CSMD1: variants seen among roughly 807,000 people sequenced by gnomAD.
CSMD1 encodes the protein CUB and Sushi multiple domains 1.
Under a neutral mutation model 417.5 loss-of-function variants are expected in CSMD1, and 213 were observed. The ratio of observed to expected loss-of-function variants is 0.51; its 90% confidence interval spans 0.46 to 0.57. CSMD1 has a LOEUF of 0.57. Among genes scored for constraint, CSMD1 ranks in the 20% least tolerant of loss-of-function variants. CSMD1 has a pLI of 0.00. For synonymous variants in CSMD1, 2,862 were observed against 1,736.8 expected (o/e 1.65, Z -16.11); for missense variants, 6,923 against 4,529.7 (o/e 1.53, Z -15.17).
intron 49 of CSMD1, among the ~76,000 whole-genome samples, chr8:3,082,403 G>A (rs955598562): frequency 6.6e-6 from 1 of 152,102 alleles, no homozygotes; most frequent in African/African-American, 2.4e-5. Context: ...CCTCCACCAT[G>A]TCCCCTTCAC....
intron 1 of CSMD1, among the ~76,000 whole-genome samples, chr8:4,822,546 T>G (rs1799580085): frequency 6.6e-6 from 1 of 152,138 alleles, no homozygotes; most frequent in Non-Finnish European, 1.5e-5. Context: ...ACCTGTGACT[T>G]AAACTATGTG....
In CSMD1 at chr8:4,899,672, G is replaced by C. The variant is rs1035747324; in HGVS notation, c.85+94660C>G. ...CAAAAATATAAGATGACCATGTCTT[G>C]AACAACTCTCATTAAAATGTGTATA... is the stretch of plus-strand genomic sequence containing the variant. On this transcript the variant is annotated intron_variant, in intron 1 of 69. Transcript: ENST00000635120. 3.9e-5 allele frequency among the ~76,000 whole-genome samples: 6 copies of C among 152,240 alleles called. No homozygotes were observed. In the East Asian group the frequency reaches 5.8e-4, roughly 15 times the overall value.
chr8:4,329,682 G>C (rs1460902024), intron 3 of CSMD1, among the ~76,000 whole-genome samples: 1 of 152,116 alleles, frequency 6.6e-6, no homozygotes, highest in Non-Finnish European at 1.5e-5. Context: ...ATCTCATGTT[G>C]AGATGTGATA....
intron 5 of CSMD1, among the ~76,000 whole-genome samples, chr8:3,785,869 G>A (rs561698559): frequency 1.3e-5 from 2 of 152,302 alleles, no homozygotes; most frequent in East Asian, 1.9e-4. Flanking sequence ...ATTAAAGAGG[G>A]ATATGTCATG....
intron 3 of CSMD1, among the ~76,000 whole-genome samples, chr8:4,159,738 G>A (rs569177279): frequency 1.1e-3 from 163 of 152,206 alleles, no homozygotes; most frequent in African/African-American, 3.6e-3. Flanking sequence ...ACAGGTGCCC[G>A]CCACCACGCC....
chr8:3,465,207 A>C (rs1816729200), intron 12 of CSMD1, among the ~76,000 whole-genome samples: 1 of 151,638 alleles, frequency 6.6e-6, no homozygotes, highest in Non-Finnish European at 1.5e-5. Context: ...TCCTCCACTC[A>C]CTGTGATTTT....
intron 1 of CSMD1, among the ~76,000 whole-genome samples, chr8:4,791,039 T>C (rs1031467760): frequency 6.6e-6 from 1 of 151,522 alleles, no homozygotes; most frequent in Non-Finnish European, 1.5e-5. Flanking sequence ...GGAGAGTAAA[T>C]GGGAAACACA....
chr8:4,079,386 T>A (rs1194678616), intron 3 of CSMD1, among the ~76,000 whole-genome samples: 1 of 152,216 alleles, frequency 6.6e-6, no homozygotes, highest in African/African-American at 2.4e-5. Flanking sequence ...GGCATTCTAT[T>A]CAGTTTTGTC....
intron 26 of CSMD1, among the ~76,000 whole-genome samples, chr8:3,271,726 T>G (rs577367542): frequency 2.0e-5 from 3 of 152,334 alleles, no homozygotes; most frequent in Non-Finnish European, 2.9e-5. Flanking sequence ...CATAAATGTC[T>G]TCTTTTGAGA....
intron 5 of CSMD1, among the ~76,000 whole-genome samples, chr8:3,815,606 G>T (rs778851849): frequency 1.4e-5 from 2 of 145,678 alleles, no homozygotes; most frequent in African/African-American, 5.1e-5. Flanking sequence ...ACTTAAAAAT[G>T]TCTATCACTG....
intron 5 of CSMD1, among the ~76,000 whole-genome samples, chr8:3,974,584 T>C (rs1000881348): frequency 3.3e-5 from 5 of 152,058 alleles, no homozygotes; most frequent in African/African-American, 1.2e-4. Flanking sequence ...TGGCAATCCT[T>C]TTTCTAATAA....
At chr8:4,291,268 A>G (rs1476553398) in intron 3 of CSMD1, among the ~76,000 whole-genome samples, 2 of 152,142 alleles carry the variant, frequency 1.3e-5, no homozygotes, top group African/African-American at 4.8e-5. Flanking sequence ...GAAAATATTC[A>G]AAAGGATAAA....
chr8:3,639,657 A>G (rs2117305786), intron 7 of CSMD1, among the ~76,000 whole-genome samples: 1 of 152,366 alleles, frequency 6.6e-6, no homozygotes, highest in African/African-American at 2.4e-5. Flanking sequence ...CTGTATCAAA[A>G]CATAAGTGGA....
intron 1 of CSMD1, among the ~76,000 whole-genome samples, chr8:4,749,225 A>G (rs1352259853): frequency 6.6e-6 from 1 of 152,266 alleles, no homozygotes; most frequent in African/African-American, 2.4e-5. Flanking sequence ...CTTTTTCATT[A>G]AAGGGTTAAA....
intron 5 of CSMD1, among the ~76,000 whole-genome samples, chr8:3,932,704 G>T (rs1563225444): frequency 1.3e-5 from 2 of 150,462 alleles, no homozygotes; most frequent in South Asian, 4.3e-4. Flanking sequence ...ATTCATTGTG[G>T]TGGACTCTAA....
At chr8:3,867,643 C>A (rs75865075) in intron 5 of CSMD1, among the ~76,000 whole-genome samples, 12,018 of 152,054 alleles carry the variant, frequency 0.079, 533 homozygotes, top group South Asian at 0.15. Context: ...ATATCTATAT[C>A]TATGTATAGT....
intron 25 of CSMD1, among the ~76,000 whole-genome samples, chr8:3,291,180 T>C (rs1477741666): frequency 6.6e-6 from 1 of 152,234 alleles, no homozygotes; most frequent in Non-Finnish European, 1.5e-5. Flanking sequence ...GAAACCCACT[T>C]GATCATTGTG....
chr8:3,076,030 G>A (rs1407698583), intron 49 of CSMD1, among the ~76,000 whole-genome samples: 10 of 149,716 alleles, frequency 6.7e-5, no homozygotes, highest in East Asian at 2.0e-4. Context: ...TAGCCTGGGC[G>A]ACAGAGCGAG....
chr8:3,700,933 G>T (rs912401723), intron 7 of CSMD1, among the ~76,000 whole-genome samples: 1 of 152,028 alleles, frequency 6.6e-6, no homozygotes, highest in African/African-American at 2.4e-5. Context: ...TTGCAGGGTG[G>T]GACTTTGTCA....
Sources: gnomAD v4.1 joint callset for allele counts (sites outside exome capture counted in the v4.1 genomes callset) on GRCh38, gnomAD v4.1.1 for gene constraint, MANE v1.5 for transcripts, NCBI Gene and HGNC (gene_info 2026-07-23, HGNC 2026-07-21) for gene names.